The following CDH13 variants were observed in gnomAD, a reference collection of about 807,000 sequenced individuals.
The protein encoded by CDH13 is cadherin 13, also known as cadherin-13.
CDH13 carries 24 observed loss-of-function variants against 63.8 expected under a neutral mutation model. The observed-to-expected ratio is 0.38, with a 90% CI of 0.27 to 0.53. The LOEUF is 0.53. Ranked by LOEUF, CDH13 falls within the 20% of genes least tolerant of loss-of-function variation. The pLI is 0.85. For missense variants in CDH13, 1,049 were observed against 903.1 expected (o/e 1.16, Z -2.07); for synonymous variants, 503 against 355.3 (o/e 1.42, Z -4.67).
intron 2 of CDH13, among the ~76,000 whole-genome samples, chr16:82,921,968 T>C (rs1452884382): frequency 6.6e-6 from 1 of 152,236 alleles, no homozygotes; most frequent in Admixed American, 6.5e-5. Context: ...TTAAGATTTT[T>C]AATTTCTTCT....
intron 2 of CDH13, among the ~76,000 whole-genome samples, chr16:82,902,657 C>G (rs1303019743): frequency 6.6e-6 from 1 of 151,376 alleles, no homozygotes; most frequent in African/African-American, 2.4e-5. Context: ...TAATCAGTGT[C>G]ATATTCATTA....
At chr16:83,335,592 A>T (rs998721604) in intron 5 of CDH13, among the ~76,000 whole-genome samples, 14 of 152,102 alleles carry the variant, frequency 9.2e-5, no homozygotes, top group Non-Finnish European at 1.5e-5. Flanking sequence ...AAAAGTAAAA[A>T]CTAAAAGGCA....
intron 1 of CDH13, among the ~76,000 whole-genome samples, chr16:82,816,164 G>A (rs983542031): frequency 2.6e-5 from 4 of 152,046 alleles, no homozygotes; most frequent in East Asian, 1.9e-4. Flanking sequence ...TCTCTCTTAC[G>A]TACATACAAG....
chr16:82,944,257 C>T (rs1904447740), intron 2 of CDH13, among the ~76,000 whole-genome samples: 1 of 152,108 alleles, frequency 6.6e-6, no homozygotes, highest in African/African-American at 2.4e-5. Context: ...TTTATGACAT[C>T]CTCCAGTCCC....
At chr16:83,158,402 C>G (rs1299966475) in intron 4 of CDH13, among the ~76,000 whole-genome samples, 1 of 152,218 alleles carries the variant, frequency 6.6e-6, no homozygotes, top group East Asian at 1.9e-4. Flanking sequence ...CGTCTTTATT[C>G]AATAACTCTG....
In CDH13 at chr16:83,668,377, A is replaced by G. The variant is rs191049479; in HGVS notation, c.1102-2413A>G. ...AATCATGATTTCTCACAGTGTTTTC[A>G]TCTTGGCAATGACACTCATCTGCTT... On this transcript the variant is annotated intron_variant, in intron 8 of 13. Transcript: ENST00000567109. Among the ~76,000 whole-genome samples, 333 of 152,318 alleles carry G rather than the reference A, an allele frequency of 2.2e-3. 2 individuals are homozygous for G. The highest frequency in any genetic ancestry group is 7.5e-3 in the African/African-American group (311 of 41,574).
At chr16:83,431,932 CGG>C (rs2072124517) in intron 6 of CDH13, among the ~76,000 whole-genome samples, 1 of 152,140 alleles carries the variant, frequency 6.6e-6, no homozygotes, top group Non-Finnish European at 1.5e-5. Flanking sequence ...GTGATACATA[CGG>C]CCATTGGCAG....
intron 6 of CDH13, among the ~76,000 whole-genome samples, chr16:83,359,463 C>T (rs2091120529): frequency 6.6e-6 from 1 of 152,068 alleles, no homozygotes; most frequent in Non-Finnish European, 1.5e-5. Flanking sequence ...GTCTTAGTGT[C>T]GTCACCCAGC....
At chr16:83,441,847 C>T (rs2072489109) in intron 6 of CDH13, among the ~76,000 whole-genome samples, 1 of 152,114 alleles carries the variant, frequency 6.6e-6, no homozygotes, top group South Asian at 2.1e-4. Flanking sequence ...CATCAGAGGG[C>T]ATGAATTCAT....
At chr16:83,535,045 A>G (rs931387158) in intron 7 of CDH13, among the ~76,000 whole-genome samples, 1 of 152,190 alleles carries the variant, frequency 6.6e-6, no homozygotes, top group Non-Finnish European at 1.5e-5. Context: ...ATAAGGTAAC[A>G]CTCACAGGTC....
At chr16:83,164,206 T>C (rs8057121) in intron 4 of CDH13, among the ~76,000 whole-genome samples, 33,040 of 151,896 alleles carry the variant, frequency 0.22, 4,974 homozygotes, top group African/African-American at 0.42. Context: ...TAATCCTCTG[T>C]CAACCTGTAG....
chr16:82,887,154 A>G (rs1342796050), intron 2 of CDH13, among the ~76,000 whole-genome samples: 1 of 152,142 alleles, frequency 6.6e-6, no homozygotes, highest in Non-Finnish European at 1.5e-5. Context: ...CCAAAGATTT[A>G]TCTTCACCAA....
rs1249990885 is a variant in CDH13 at position 83,558,689 on chromosome 16, A to G, written c.961-43765A>G. Among the ~76,000 whole-genome samples, 3 of 152,084 alleles carry G rather than the reference A, an allele frequency of 2.0e-5. No homozygotes were observed. The East Asian group carries it at 5.8e-4, about 29-fold the overall frequency. ...CCTGTATTTGAGTGTTAGTGTTCCAATTAATTTAGTTGACATCATTTCAAC... is the reference window on the plus strand; with the variant it reads ...CCTGTATTTGAGTGTTAGTGTTCCAGTTAATTTAGTTGACATCATTTCAAC... On this transcript the variant is annotated intron_variant, in intron 7 of 13. Coordinates refer to ENST00000567109, the MANE Select transcript of CDH13 (RefSeq NM_001257.5).
At chr16:83,684,471 G>A (rs1217865692) in intron 10 of CDH13, among the ~76,000 whole-genome samples, 2 of 152,160 alleles carry the variant, frequency 1.3e-5, no homozygotes, top group African/African-American at 2.4e-5. Flanking sequence ...GGGAACTAAC[G>A]CTTCCATCAG....
chr16:83,229,429 C>G (rs1433900748), intron 5 of CDH13, among the ~76,000 whole-genome samples: 1 of 151,988 alleles, frequency 6.6e-6, no homozygotes, highest in Non-Finnish European at 1.5e-5. Flanking sequence ...CTCGTTCTCC[C>G]CATTTAGTCT....
intron 7 of CDH13, among the ~76,000 whole-genome samples, chr16:83,491,161 C>T (rs1354049110): frequency 2.0e-5 from 3 of 152,158 alleles, no homozygotes; most frequent in Non-Finnish European, 2.9e-5. Flanking sequence ...CTAATTTATT[C>T]ACTTTATGTT....
intron 5 of CDH13, among the ~76,000 whole-genome samples, chr16:83,339,256 G>A (rs977157208): frequency 1.3e-5 from 2 of 152,174 alleles, no homozygotes; most frequent in Non-Finnish European, 1.5e-5. Flanking sequence ...ATCCCTGAGA[G>A]AGGAGCCATC....
chr16:82,882,428 G>A (rs1369639015), intron 2 of CDH13, among the ~76,000 whole-genome samples: 2 of 152,174 alleles, frequency 1.3e-5, no homozygotes, highest in East Asian at 3.9e-4. Flanking sequence ...ATGACCACCA[G>A]CATTGCAAAC....
chr16:83,712,033 G>A (rs1465537018), intron 10 of CDH13, among the ~76,000 whole-genome samples: 1 of 152,214 alleles, frequency 6.6e-6, no homozygotes, highest in African/African-American at 2.4e-5. Flanking sequence ...TCCTCACAGA[G>A]TCTTCCCTCT....
Sources: allele counts gnomAD v4.1 joint callset (sites outside exome capture counted in the v4.1 genomes callset), GRCh38; gene constraint gnomAD v4.1.1; transcripts MANE v1.5; gene names NCBI Gene and HGNC (gene_info 2026-07-23, HGNC 2026-07-21).